Variants in SHISA9 observed in about 807,000 individuals in gnomAD.
SHISA9 encodes shisa family member 9, also known as protein shisa-9.
In SHISA9, 13 loss-of-function variants were observed where a neutral mutation model predicts 38.0. The ratio of observed to expected loss-of-function variants is 0.34; its 90% CI spans 0.22 to 0.54. The LOEUF is 0.54. SHISA9 is among the 20% of genes least tolerant of loss of function. SHISA9 has a pLI of 0.91. For synonymous variants in SHISA9, 275 were observed against 242.0 expected (o/e 1.14, Z -1.27); for missense variants, 538 against 575.8 (o/e 0.93, Z 0.67).
At chr16:12,958,907 C>T (rs796244015) in intron 2 of SHISA9, among the ~76,000 whole-genome samples, 5 of 152,198 alleles carry the variant, frequency 3.3e-5, no homozygotes, top group African/African-American at 1.2e-4. Flanking sequence ...TTTCTTTCTC[C>T]CATGAGAGTT....
chr16:13,013,693 C>G (rs1323456711), intron 2 of SHISA9, among the ~76,000 whole-genome samples: 1 of 152,120 alleles, frequency 6.6e-6, no homozygotes, highest in African/African-American at 2.4e-5. Context: ...TGTGCTAGAT[C>G]TAGAGGTTAA....
rs2051412930 is a variant in SHISA9, at chr16:13,239,002, C to T, written c.*3593C>T. On this transcript the variant is annotated 3_prime_UTR_variant, in exon 5 of 5. Transcript: ENST00000558583. ...CCTCCCCCCTCCCCCCACCCCACAA[C>T]AGTCCCCAGAGTGTGATGTTCCCCT... 1 of 101,888 alleles carries T rather than the reference C, an allele frequency of 9.8e-6. No individual in the cohort carries two copies. The highest frequency in any genetic ancestry group is 3.5e-4 in the East Asian group (1 of 2,862). The allele number at this position is 101,888 out of a possible 1,614,324, so 6.3% of individuals were successfully genotyped here.
chr16:12,950,748 A>G (rs1422849772), intron 2 of SHISA9, among the ~76,000 whole-genome samples: 1 of 151,254 alleles, frequency 6.6e-6, no homozygotes, highest in African/African-American at 2.4e-5. Context: ...AGCTGGGATT[A>G]TTAGCTACCA....
At chr16:12,961,457 G>T (rs1311223168) in intron 2 of SHISA9, among the ~76,000 whole-genome samples, 3 of 152,140 alleles carry the variant, frequency 2.0e-5, no homozygotes, top group Non-Finnish European at 4.4e-5. Flanking sequence ...AGTGGAGGCG[G>T]TTCCATCAAC....
At chr16:13,262,671 AG>A in the SHISA9 span, among the ~76,000 whole-genome samples, 4 of 79,390 alleles carry the variant, frequency 5.0e-5, no homozygotes, top group Admixed American at 1.2e-4. Flanking sequence ...GAAGGAAGGA[AG>A]GGAGGGAGGA....
At chr16:12,968,764 G>C (rs1342679233) in intron 2 of SHISA9, among the ~76,000 whole-genome samples, 1 of 152,106 alleles carries the variant, frequency 6.6e-6, no homozygotes, top group African/African-American at 2.4e-5. Context: ...TGAGTGATGT[G>C]GGGTGTCTGT....
chr16:13,035,326 C>A (rs1352227047), intron 2 of SHISA9, among the ~76,000 whole-genome samples: 6 of 152,104 alleles, frequency 3.9e-5, no homozygotes, highest in Admixed American at 1.3e-4. Context: ...AAGGGGTCAA[C>A]CAGCTAGGAA....
the SHISA9 span, among the ~76,000 whole-genome samples, chr16:13,310,079 G>T: frequency 6.6e-6 from 1 of 152,038 alleles, no homozygotes; most frequent in Non-Finnish European, 1.5e-5. Flanking sequence ...GTAGAGATGG[G>T]GTTTCACCAT....
the SHISA9 span, among the ~76,000 whole-genome samples, chr16:13,373,577 A>G: frequency 2.0e-5 from 3 of 152,164 alleles, no homozygotes; most frequent in Admixed American, 6.5e-5. Flanking sequence ...CCTGGCTAAC[A>G]TGGTGAAACT....
intron 2 of SHISA9, among the ~76,000 whole-genome samples, chr16:12,987,818 C>T (rs978247173): frequency 5.9e-5 from 9 of 152,128 alleles, no homozygotes; most frequent in Admixed American, 5.2e-4. Context: ...CTACCAGGCA[C>T]GATGCTAAAC....
chr16:13,456,349 A>G, the SHISA9 span, among the ~76,000 whole-genome samples: 3,657 of 152,194 alleles, frequency 0.024, 148 homozygotes, highest in East Asian at 0.21. Flanking sequence ...GTATTTCCCC[A>G]TTATTGCTGA....
chr16:13,198,219 CA>C, intron 2 of SHISA9, among the ~76,000 whole-genome samples: 1 of 147,334 alleles, frequency 6.8e-6, no homozygotes, highest in Non-Finnish European at 1.5e-5. Flanking sequence ...TATATGCATA[CA>C]TATATACTTG....
In SHISA9 at chr16:13,235,229, C is replaced by T; in HGVS notation, c.1095C>T (p.Thr365=). 1 of 1,551,764 alleles carries T rather than the reference C, an allele frequency of 6.4e-7. No individual in the cohort carries two copies. Among genetic ancestry groups the T allele is most frequent in the Non-Finnish European group, 8.7e-7 (1 of 1,147,012 alleles). ...CACATCCCCTGGCCTACACCTCTAC[C>T]ACCAACTTTAAGGGCTGGGACCCCA... ...MPPHPLAYTS[T]TNFKGWDPNE... is the part of the protein sequence containing the mutation. The change falls in exon 5 of 5, where the codon ACC becomes ACT. Residue 365 remains threonine (T), a synonymous_variant. Transcript: ENST00000558583.
intron 2 of SHISA9, among the ~76,000 whole-genome samples, chr16:13,004,082 G>C (rs1466240723): frequency 6.6e-6 from 1 of 152,178 alleles, no homozygotes; most frequent in Non-Finnish European, 1.5e-5. Context: ...GAGGCATTTG[G>C]CAGATTCTTT....
chr16:12,938,492 C>CTG (rs1252258122), intron 2 of SHISA9, among the ~76,000 whole-genome samples: 1 of 151,850 alleles, frequency 6.6e-6, no homozygotes, highest in Non-Finnish European at 1.5e-5. Flanking sequence ...CTAATTCTCT[C>CTG]TCTCTCTCTC....
chr16:12,932,540 C>T (rs1222651263), intron 2 of SHISA9, among the ~76,000 whole-genome samples: 1 of 152,096 alleles, frequency 6.6e-6, no homozygotes, highest in Non-Finnish European at 1.5e-5. Flanking sequence ...GGGGTTTCAC[C>T]ATGTTGGCCA....
the SHISA9 span, among the ~76,000 whole-genome samples, chr16:13,534,868 A>T: frequency 1.3e-5 from 2 of 152,156 alleles, no homozygotes; most frequent in Middle Eastern, 3.4e-3. Flanking sequence ...TCCCTAGATG[A>T]CCACATCTAT....
At chr16:13,254,939 G>T in the SHISA9 span, among the ~76,000 whole-genome samples, 6 of 152,352 alleles carry the variant, frequency 3.9e-5, no homozygotes, top group African/African-American at 1.4e-4. Context: ...AACTTGAGCT[G>T]TTTGAGCAGC....
the SHISA9 span, among the ~76,000 whole-genome samples, chr16:13,393,557 C>A: frequency 7.9e-5 from 12 of 152,178 alleles, no homozygotes; most frequent in Non-Finnish European, 8.8e-5. Context: ...GAATGGCAGA[C>A]GGGCACTGTG....
Sources: gnomAD v4.1 joint callset for allele counts (sites outside exome capture counted in the v4.1 genomes callset) on GRCh38, gnomAD v4.1.1 for gene constraint, MANE v1.5 for transcripts, NCBI Gene and HGNC (gene_info 2026-07-23, HGNC 2026-07-21) for gene names.